VPS35L: variants seen among roughly 807,000 people sequenced by gnomAD.
VPS35L encodes the protein VPS35 endosomal protein sorting factor like, also known as VPS35 endosomal protein-sorting factor-like.
Under a neutral mutation model 133.0 loss-of-function variants are expected in VPS35L, and 83 were observed. That is an observed-to-expected ratio of 0.62 (90% CI 0.52 to 0.75). VPS35L has a LOEUF of 0.75. VPS35L is among the 30% of genes least tolerant of loss of function. The probability of loss-of-function intolerance (pLI) is 0.00; values close to 1 mark genes in which losing one functional copy is unlikely to be tolerated. For missense variants in VPS35L, 1,083 were observed against 1,206.8 expected (o/e 0.90, Z 1.52); for synonymous variants, 423 against 449.9 (o/e 0.94, Z 0.76).
At chr16:19,660,432 T>G (rs1332441820) in intron 26 of VPS35L, among the ~76,000 whole-genome samples, 1 of 152,128 alleles carries the variant, frequency 6.6e-6, no homozygotes, top group African/African-American at 2.4e-5. Context: ...AGGAGGGTAG[T>G]TGGATTGATG....
In VPS35L at chr16:19,562,078, G is replaced by A. The variant is rs73529883; in HGVS notation, c.18-2773G>A. 9.1e-3 allele frequency among the ~76,000 whole-genome samples: 1,377 copies of A among 152,138 alleles called. 18 individuals are homozygous for A. The highest frequency in any genetic ancestry group is 0.032 in the African/African-American group (1,310 of 41,508). Reference sequence around the variant, plus strand: ...TGAGATCGCACCACTGCACTCCAGTGAGACTCTTATGTCAAACAAAAACAA... The same window carrying A: ...TGAGATCGCACCACTGCACTCCAGTAAGACTCTTATGTCAAACAAAAACAA... On this transcript the variant is annotated intron_variant, in intron 1 of 30. Transcript: ENST00000417362.
At chr16:19,564,750 T>G in intron 1 of VPS35L, 101 bp from the exon 2 acceptor site, 1 of 785,698 alleles carries the variant, frequency 1.3e-6, no homozygotes, top group Non-Finnish European at 2.1e-6. Context: ...GGGAATATTG[T>G]GCTGTTCTAA....
At chr16:19,681,859 T>C (rs568297672) in intron 27 of VPS35L, among the ~76,000 whole-genome samples, 40 of 141,670 alleles carry the variant, frequency 2.8e-4, no homozygotes, top group African/African-American at 1.0e-3. Flanking sequence ...GATCCTGCTT[T>C]TGTGGTTGGA....
rs1448728183 is a variant in VPS35L, at chr16:19,581,690, T to A, written c.639+37T>A. The A allele has an allele frequency of 3.8e-6, 6 of 1,594,400 alleles. No homozygotes were observed. The African/African-American group carries it at 8.3e-5, about 22-fold the overall frequency. ...TGATCCCCCACCCCCACCCAGAATTTCCTATGTAAAATTCCACTGTGAGAC... is the reference window on the plus strand; with the variant it reads ...TGATCCCCCACCCCCACCCAGAATTACCTATGTAAAATTCCACTGTGAGAC... On this transcript the variant is annotated intron_variant, in intron 7 of 30. Transcript: ENST00000417362.
intron 26 of VPS35L, among the ~76,000 whole-genome samples, chr16:19,668,068 A>G (rs1682334554): frequency 6.6e-6 from 1 of 152,072 alleles, no homozygotes; most frequent in Non-Finnish European, 1.5e-5. Context: ...CCATCTTCAG[A>G]CACATACTCT....
chr16:19,578,972 T>C, intron 5 of VPS35L, 80 bp from the exon 6 acceptor site: 1 of 1,110,014 alleles, frequency 9.0e-7, no homozygotes. Flanking sequence ...CACGATGAAG[T>C]GTAGAGTGAA....
intron 26 of VPS35L, among the ~76,000 whole-genome samples, chr16:19,666,963 TCTTC>T (rs58706739): frequency 4.7e-5 from 6 of 126,794 alleles, no homozygotes; most frequent in Admixed American, 2.4e-4. Flanking sequence ...TTTCTTCCTT[TCTTC>T]CTTTCTTCCT....
intron 26 of VPS35L, among the ~76,000 whole-genome samples, chr16:19,661,245 A>G (rs78084476): frequency 6.6e-6 from 1 of 152,052 alleles, no homozygotes; most frequent in East Asian, 1.9e-4. Flanking sequence ...AAGTGCTACA[A>G]ATTATTTCTT....
intron 29 of VPS35L, among the ~76,000 whole-genome samples, chr16:19,692,737 G>T (rs1597444446): frequency 6.6e-6 from 1 of 151,788 alleles, no homozygotes; most frequent in African/African-American, 2.4e-5. Context: ...TAATTTTTGT[G>T]TTTTTAGTAG....
chr16:19,660,707 T>C (rs745576242), intron 26 of VPS35L, among the ~76,000 whole-genome samples: 40 of 152,200 alleles, frequency 2.6e-4, no homozygotes, highest in Non-Finnish European at 5.3e-4. Flanking sequence ...CCTAGTTAAG[T>C]CTGAATTCCT....
In VPS35L at chr16:19,608,280, CTT is replaced by C. The variant is rs11291600; in HGVS notation, c.881+19_881+20del. On this transcript the variant is annotated splice_region_variant and intron_variant, in intron 10 of 30. Transcript: ENST00000417362. ...AGGGAACTCATTCCAAGATTGTATC[CTT>C]TTTTTTTTTTTTGGTCTGATGATTT... The C allele has an allele frequency of 0.02, 26,096 of 1,328,832 alleles. No individual in the cohort carries two copies. The highest frequency in any genetic ancestry group is 0.023 in the Middle Eastern group (118 of 5,050). 82.3% of individuals were successfully genotyped at this position (1,328,832 alleles called of 1,614,324 possible).
chr16:19,595,711 C>T (rs9940835), intron 8 of VPS35L, among the ~76,000 whole-genome samples: 3,918 of 152,330 alleles, frequency 0.026, 175 homozygotes, highest in African/African-American at 0.09. Flanking sequence ...ACTCCAGCCC[C>T]GTCCTGTACT....
At chr16:19,563,715 C>T (rs1424344665) in intron 1 of VPS35L, among the ~76,000 whole-genome samples, 1 of 152,234 alleles carries the variant, frequency 6.6e-6, no homozygotes, top group African/African-American at 2.4e-5. Context: ...AGCTCTTCAT[C>T]TCCTTTCTGC....
At chr16:19,628,615 G>A in intron 16 of VPS35L, 22 bp from the exon 17 acceptor site, 3 of 1,304,098 alleles carry the variant, frequency 2.3e-6, no homozygotes, top group Non-Finnish European at 3.3e-6. Context: ...TCCATAACAT[G>A]ATGGTTTGAC....
intron 28 of VPS35L, among the ~76,000 whole-genome samples, chr16:19,683,204 T>C (rs2151619130): frequency 6.6e-6 from 1 of 152,270 alleles, no homozygotes; most frequent in African/African-American, 2.4e-5. Flanking sequence ...ATTATAACCA[T>C]GAGCCACCAC....
chr16:19,692,225 G>A (rs1975717730), intron 29 of VPS35L, among the ~76,000 whole-genome samples: 2 of 152,044 alleles, frequency 1.3e-5, no homozygotes, highest in Admixed American at 6.6e-5. Context: ...GACAAGACAG[G>A]GACTCTGGGA....
At chr16:19,666,887 T>C (rs62024095) in intron 26 of VPS35L, among the ~76,000 whole-genome samples, 117 of 94,258 alleles carry the variant, frequency 1.2e-3, no homozygotes, top group East Asian at 5.2e-3. Flanking sequence ...TTTCTTTCTT[T>C]CTTTCTTTCT....
intron 26 of VPS35L, among the ~76,000 whole-genome samples, chr16:19,661,038 C>T (rs1442285643): frequency 6.8e-6 from 1 of 146,684 alleles, no homozygotes; most frequent in South Asian, 2.2e-4. Context: ...ATTCTCCTTT[C>T]TCCTTCACTC....
chr16:19,628,650 G>A lies in VPS35L; in HGVS notation c.1397G>A (p.Arg466Gln), dbSNP rs567680668. Residue 466 changes from arginine (R) to glutamine (Q), a missense_variant, in exon 17 of 31, where the codon CGA becomes CAA. Transcript: ENST00000417362. ...ESGFPKHLLF[R>Q]SLGLNLALAD... is the part of the protein sequence containing the mutation. Reference sequence around the variant, plus strand: ...CATGTTTCTTAGCATCTTCTTTTTCGATCACTGGGATTAAACTTGGCCTTG... The same window carrying A: ...CATGTTTCTTAGCATCTTCTTTTTCAATCACTGGGATTAAACTTGGCCTTG... The A allele has an allele frequency of 4.6e-5, 72 of 1,574,484 alleles. 1 individual carries two copies. The East Asian group carries it at 1.4e-3, about 30-fold the overall frequency.
Sources: gnomAD v4.1 joint callset for allele counts (sites outside exome capture counted in the v4.1 genomes callset) on GRCh38, gnomAD v4.1.1 for gene constraint, MANE v1.5 for transcripts, NCBI Gene and HGNC (gene_info 2026-07-23, HGNC 2026-07-21) for gene names.